The following TASOR2 variants were observed in gnomAD, a reference collection of about 807,000 sequenced individuals.
TASOR2 encodes the protein protein TASOR 2.
In TASOR2, 84 loss-of-function variants were observed where a neutral mutation model predicts 199.5. The observed-to-expected ratio is 0.42, with a 90% CI of 0.35 to 0.50. The LOEUF is 0.50. TASOR2 is among the 20% of genes least tolerant of loss of function. TASOR2 has a pLI of 0.02. For synonymous variants in TASOR2, 1,103 were observed against 1,046.6 expected (o/e 1.05, Z -1.04); for missense variants, 2,796 against 2,835.9 (o/e 0.99, Z 0.32).
chr10:5,760,044 A>G (rs948898100), intron 18 of TASOR2, among the ~76,000 whole-genome samples: 2 of 152,226 alleles, frequency 1.3e-5, no homozygotes, highest in Non-Finnish European at 2.9e-5. Flanking sequence ...CATGTCACTT[A>G]ACGACGGGGA....
At chr10:5,697,102 C>G (rs1837256624) in intron 1 of TASOR2, among the ~76,000 whole-genome samples, 1 of 152,110 alleles carries the variant, frequency 6.6e-6, no homozygotes, top group South Asian at 2.1e-4. Context: ...TTGAAAGGGC[C>G]TATTAAGCGC....
At chr10:5,735,472 A>T in exon 12 of TASOR2, 1 of 1,614,172 alleles carries the variant, frequency 6.2e-7, no homozygotes, top group Non-Finnish European at 8.5e-7. Context: ...CCTGTGAAGA[A>T]ATCTCCACAA....
At chr10:5,704,341 G>A (rs746224208) in intron 1 of TASOR2, among the ~76,000 whole-genome samples, 1 of 152,020 alleles carries the variant, frequency 6.6e-6, no homozygotes, top group African/African-American at 2.4e-5. Flanking sequence ...AATAGTTGTA[G>A]GTATATTCTG....
chr10:5,722,773 C>T lies in TASOR2; in HGVS notation c.147-904C>T, dbSNP rs530448491. Among the ~76,000 whole-genome samples the T allele has an allele frequency of 5.3e-5, 8 of 152,090 alleles. No homozygotes were observed. The East Asian group carries it at 1.2e-3, about 22-fold the overall frequency. On this transcript the variant is annotated intron_variant, in intron 6 of 20. Coordinates refer to ENST00000328090, the Ensembl canonical transcript of TASOR2. The surrounding 1 kb of genome is among the most constrained non-coding windows in gnomAD (Gnocchi z 4.0). ...CTGTAGTCCCAGCACTTTGGGAGGCCGAGGTGAGCAGATTGCCTGAGGTCA... is the reference window on the plus strand; with the variant it reads ...CTGTAGTCCCAGCACTTTGGGAGGCTGAGGTGAGCAGATTGCCTGAGGTCA...
chr10:5,756,809 C>T, intron 16 of TASOR2, 71 bp downstream of exon 17: 1 of 1,501,452 alleles, frequency 6.7e-7, no homozygotes, highest in Non-Finnish European at 9.0e-7. Flanking sequence ...TCAGACTCAT[C>T]CCTCTTTTTT....
rs1837514049 is a variant in TASOR2 at position 5,699,242 on chromosome 10, ACT to A, written c.-287-13578_-287-13577del. Among the ~76,000 whole-genome samples, 1 of 152,060 alleles carries A rather than the reference ACT, an allele frequency of 6.6e-6. No homozygotes were observed. The highest frequency in any genetic ancestry group is 2.4e-5 in the African/African-American group (1 of 41,416). The stretch of plus-strand genomic sequence containing the variant: ...ATCATGAAGGACCGCGTGCTGTATG[ACT>A]CTGTTTATAGGAAATGGTCTGGAAT... On this transcript the variant is annotated intron_variant, in intron 1 of 20. Transcript: ENST00000328090. The surrounding 1 kb of genome is among the most constrained non-coding windows in gnomAD (Gnocchi z 4.1).
In TASOR2 at chr10:5,737,485, C is replaced by T. The variant is rs562962677; in HGVS notation, c.1447+1939C>T. On this transcript the variant is annotated intron_variant, in intron 12 of 20. Coordinates refer to ENST00000328090, the Ensembl canonical transcript of TASOR2. This position sits in a 1 kb window ranked among gnomAD's most constrained non-coding sequence, Gnocchi z 4.9. The stretch of plus-strand genomic sequence containing the variant: ...GGTGTGGCTGTACCTCCCCTCTCTG[C>T]GTTGTGCCTCTGCTGTTGCCACCGT... Among the ~76,000 whole-genome samples the T allele has an allele frequency of 2.6e-5, 4 of 151,838 alleles. No homozygotes were observed. Among genetic ancestry groups the T allele is most frequent in the East Asian group, 3.9e-4 (2 of 5,104 alleles).
intron 12 of TASOR2, 109 bp from the exon 14 acceptor site, chr10:5,739,509 T>C (rs1397838162): frequency 9.7e-6 from 10 of 1,029,970 alleles, no homozygotes; most frequent in Non-Finnish European, 1.4e-5. Context: ...GCAATATATG[T>C]TACATAAGTT....
Position 5,752,598 on chromosome 10 carries a change from G to A in TASOR2, c.6606+2571G>A, listed in dbSNP as rs1411833199. ...GGATTACTGAGTAACGAGTTACTTA[G>A]TAATGAAGGACACGTGTCCCTTATT... On this transcript the variant is annotated intron_variant, in intron 15 of 20. Transcript: ENST00000328090. This position sits in a 1 kb window ranked among gnomAD's most constrained non-coding sequence, Gnocchi z 4.4. 6.6e-6 allele frequency among the ~76,000 whole-genome samples: 1 copy of A among 152,254 alleles called. No homozygotes were observed. Among genetic ancestry groups the A allele is most frequent in the Admixed American group, 6.5e-5 (1 of 15,290 alleles).
chr10:5,740,195 C>T lies in TASOR2; in HGVS notation c.2025C>T (p.Ser675=). 6.2e-7 allele frequency: 1 copy of T among 1,614,220 alleles called. No homozygotes were observed. The highest frequency in any genetic ancestry group is 2.2e-5 in the East Asian group (1 of 44,880). Residue 675 remains serine (S), a synonymous_variant, in exon 13 of 21, where the codon AGC becomes AGT. Coordinates refer to ENST00000328090, the Ensembl canonical transcript of TASOR2. This position sits in a 1 kb window ranked among gnomAD's most constrained non-coding sequence, Gnocchi z 5.3. ...ATCTACAGGAGAGAGAGATACTAAG[C>T]CCTCTGTTTCCCAGGAATGGGACAA...
chr10:5,708,421 T>C (rs1422815036), intron 1 of TASOR2, among the ~76,000 whole-genome samples: 2 of 152,236 alleles, frequency 1.3e-5, no homozygotes, highest in African/African-American at 4.8e-5. Context: ...GTTGTATCAC[T>C]GTACATCCAC....
At chr10:5,712,847 A>T in exon 2 of TASOR2, 1 of 1,231,108 alleles carries the variant, frequency 8.1e-7, no homozygotes, top group Non-Finnish European at 1.0e-6. Context: ...CCAACAAAAA[A>T]AAGCAAGTAG....
At chr10:5,700,283 A>G (rs1435207977) in intron 1 of TASOR2, among the ~76,000 whole-genome samples, 3 of 151,486 alleles carry the variant, frequency 2.0e-5, no homozygotes, top group East Asian at 3.9e-4. Flanking sequence ...TTTTTTTTTT[A>G]TGGCTGAATA....
At chr10:5,739,813 C>A in exon 13 of TASOR2, 1 of 1,614,190 alleles carries the variant, frequency 6.2e-7, no homozygotes, top group Non-Finnish European at 8.5e-7. Flanking sequence ...GCTACTTCTT[C>A]CACACCAGTA....
intron 1 of TASOR2, chr10:5,712,398 TG>T: frequency 8.1e-7 from 1 of 1,231,586 alleles, no homozygotes; most frequent in African/African-American, 1.5e-5. Flanking sequence ...TTACAGTTTT[TG>T]AGACAGTGTC....
rs1166209457 is a variant in TASOR2 at position 5,689,457 on chromosome 10, C to T, written c.-288+4282C>T. On this transcript the variant is annotated intron_variant, in intron 1 of 20. Transcript: ENST00000328090. This position sits in a 1 kb window ranked among gnomAD's most constrained non-coding sequence, Gnocchi z 4.1. The stretch of plus-strand genomic sequence containing the variant: ...TCTACTAAAAATACAAAAATTATCC[C>T]GGCATGGGGGTGCGCGCCTGTAGTC... Among the ~76,000 whole-genome samples, 3 of 151,952 alleles carry T rather than the reference C, an allele frequency of 2.0e-5. No homozygotes were observed. The highest frequency in any genetic ancestry group is 4.4e-5 in the Non-Finnish European group (3 of 67,980).
intron 10 of TASOR2, among the ~76,000 whole-genome samples, chr10:5,727,504 T>G (rs1160573334): frequency 6.6e-6 from 1 of 152,224 alleles, no homozygotes; most frequent in Non-Finnish European, 1.5e-5. Flanking sequence ...ATCAAGCCCA[T>G]ACATTTTTAT....
chr10:5,758,836 A>G (rs1256175859), intron 17 of TASOR2, 51 bp from the exon 19 acceptor site: 5 of 1,428,278 alleles, frequency 3.5e-6, no homozygotes, highest in African/African-American at 1.4e-5. Context: ...GGCATGAGCC[A>G]AAAGTACCTT....
At chr10:5,757,707 A>G in intron 17 of TASOR2, 34 bp downstream of exon 18, 1 of 1,608,320 alleles carries the variant, frequency 6.2e-7, no homozygotes, top group Non-Finnish European at 8.5e-7. Context: ...GTTTCTTTGA[A>G]GTCAGATCAA....
Sources: gnomAD v4.1 joint callset for allele counts (sites outside exome capture counted in the v4.1 genomes callset) on GRCh38, gnomAD v4.1.1 for gene constraint, Gnocchi (gnomAD v3.1) non-coding constraint, MANE v1.5 for transcripts, NCBI Gene and HGNC (gene_info 2026-07-23, HGNC 2026-07-21) for gene names.